Variants in ITPR2 observed in about 807,000 individuals in gnomAD.
The protein encoded by ITPR2 is inositol 1,4,5-trisphosphate receptor type 2, also known as inositol 1,4,5-trisphosphate-gated calcium channel ITPR2.
ITPR2 carries 207 observed loss-of-function variants against 317.1 expected under a neutral mutation model. The observed-to-expected ratio is 0.65, with a 90% CI of 0.58 to 0.73. ITPR2 has a LOEUF of 0.73. Ranked by LOEUF, ITPR2 falls within the 30% of genes least tolerant of loss-of-function variation. ITPR2 has a pLI of 0.00. For synonymous variants in ITPR2, 1,156 were observed against 1,149.1 expected, an observed-to-expected ratio of 1.01 and a Z score of -0.12; for missense variants, 2,613 against 3,284.0, an observed-to-expected ratio of 0.80 and a Z score of 4.99.
At chr12:26,663,546 T>C (rs1048129335) in intron 15 of ITPR2, 139 bp downstream of exon 15, 3 of 791,584 alleles carry the variant, frequency 3.8e-6, no homozygotes, top group Admixed American at 2.7e-5. Flanking sequence ...CAAATCATTT[T>C]TATGTATTGC....
intron 4 of ITPR2, 139 bp downstream of exon 4, chr12:26,724,517 C>T (rs1948887398): frequency 1.5e-6 from 1 of 661,656 alleles, no homozygotes; most frequent in South Asian, 1.6e-5. Flanking sequence ...GAATACATCA[C>T]AATACGTCAC....
In ITPR2 at chr12:26,599,178, A is replaced by G. The variant is rs766524654; in HGVS notation, c.3969T>C (p.Tyr1323=). 5.0e-6 allele frequency: 8 copies of G among 1,614,134 alleles called. No individual in the cohort carries two copies. Among genetic ancestry groups the G allele is most frequent in the South Asian group, 4.4e-5 (4 of 91,086 alleles). Reference sequence around the variant, plus strand: ...TTACCATATCCTGGCATTTCTTCACATATTTACCATCTGCTTTTACAATTG... The same window carrying G: ...TTACCATATCCTGGCATTTCTTCACGTATTTACCATCTGCTTTTACAATTG... The part of the protein sequence containing the change: ...LQTIVKADGK[Y]VKKCQDMVMT... Residue 1323 remains tyrosine, a synonymous_variant, in exon 30 of 57, where the codon TAT becomes TAC. Coordinates refer to ENST00000381340, the MANE Select transcript of ITPR2 (RefSeq NM_002223.4).
intron 9 of ITPR2, among the ~76,000 whole-genome samples, chr12:26,710,655 A>G (rs1051151587): frequency 6.6e-6 from 1 of 152,230 alleles, no homozygotes; most frequent in African/African-American, 2.4e-5. Context: ...CTGTCTGTCA[A>G]CATACTTTTA....
At chr12:26,562,496 A>C (rs1460283938) in intron 34 of ITPR2, among the ~76,000 whole-genome samples, 1 of 152,234 alleles carries the variant, frequency 6.6e-6, no homozygotes, top group East Asian at 1.9e-4. Context: ...TTACATCACA[A>C]CAATACTGAA....
rs1947410241 is a variant in ITPR2, at chr12:26,657,888, C to G, written c.2011G>C (p.Val671Leu). 4 of 1,612,916 alleles carry G rather than the reference C, an allele frequency of 2.5e-6. No individual in the cohort carries two copies. Among genetic ancestry groups the G allele is most frequent in the Non-Finnish European group, 3.4e-6 (4 of 1,179,378 alleles). The change falls in exon 18 of 57, where the codon GTC becomes CTC. Residue 671 changes from valine (V) to leucine (L), a missense_variant. Transcript: ENST00000381340. ...NADILIQTKVVSMQADNPMES... is the reference protein window; with the variant it reads ...NADILIQTKVLSMQADNPMES... ...ATGGGGTTGTCTGCTTGCATTGAGA[C>G]CACCCTTCAAATAAATAGCACATAC...
chr12:26,480,737 G>A (rs1301623319), intron 43 of ITPR2, among the ~76,000 whole-genome samples: 2 of 152,138 alleles, frequency 1.3e-5, no homozygotes, highest in African/African-American at 4.8e-5. Flanking sequence ...CTACTCAGGA[G>A]GCTGAGGCAG....
intron 37 of ITPR2, among the ~76,000 whole-genome samples, chr12:26,504,922 C>T (rs1205889914): frequency 6.6e-6 from 1 of 152,058 alleles, no homozygotes; most frequent in Non-Finnish European, 1.5e-5. Context: ...TAACACACAA[C>T]TACTTTCATG....
At position 26,339,361 on chromosome 12, in the gene ITPR2, C is replaced by T; in HGVS notation, c.*36G>A. 1 of 1,543,692 alleles carries T rather than the reference C, an allele frequency of 6.5e-7. No individual in the cohort carries two copies. ...CTTTATTCAGTGATCAGGCAGGACA[C>T]TGATGAAAGGCTAGTCACGGCTTCC... On this transcript the variant is annotated 3_prime_UTR_variant, in exon 57 of 57. Coordinates refer to ENST00000381340, the MANE Select transcript of ITPR2 (RefSeq NM_002223.4).
chr12:26,593,846 T>C (rs1427405681), intron 32 of ITPR2, among the ~76,000 whole-genome samples: 3 of 152,210 alleles, frequency 2.0e-5, no homozygotes, highest in East Asian at 1.9e-4. Context: ...ATGGAAGTTA[T>C]CATTGGCTTT....
At chr12:26,360,476 TG>T (rs1370961977) in intron 55 of ITPR2, among the ~76,000 whole-genome samples, 2 of 152,230 alleles carry the variant, frequency 1.3e-5, no homozygotes, top group East Asian at 3.9e-4. Context: ...TTTTTGGCTT[TG>T]CCATACTTTG....
chr12:26,730,514 G>A (rs978425390), intron 2 of ITPR2, among the ~76,000 whole-genome samples: 1 of 152,134 alleles, frequency 6.6e-6, no homozygotes, highest in African/African-American at 2.4e-5. Flanking sequence ...CTCATAGAGC[G>A]AGCATCAACA....
At chr12:26,614,068 G>A (rs1004507515) in intron 26 of ITPR2, among the ~76,000 whole-genome samples, 1 of 151,862 alleles carries the variant, frequency 6.6e-6, no homozygotes, top group African/African-American at 2.4e-5. Context: ...GGCAAGAATG[G>A]CCAACTTAAA....
intron 2 of ITPR2, among the ~76,000 whole-genome samples, chr12:26,787,930 T>A (rs1280698586): frequency 6.6e-6 from 1 of 151,186 alleles, no homozygotes; most frequent in Non-Finnish European, 1.5e-5. Flanking sequence ...TCCTTTTTTT[T>A]TTTTTTTTTT....
At chr12:26,541,733 T>C (rs987438203) in intron 37 of ITPR2, among the ~76,000 whole-genome samples, 1 of 152,236 alleles carries the variant, frequency 6.6e-6, no homozygotes, top group Non-Finnish European at 1.5e-5. Flanking sequence ...GACACATGCA[T>C]ATTTGATGTA....
At chr12:26,424,232 C>T (rs899453793) in intron 49 of ITPR2, among the ~76,000 whole-genome samples, 2 of 152,140 alleles carry the variant, frequency 1.3e-5, no homozygotes, top group East Asian at 1.9e-4. Context: ...ACTATCCTAG[C>T]GAAGACAGAT....
intron 48 of ITPR2, among the ~76,000 whole-genome samples, chr12:26,433,657 C>T (rs1376305770): frequency 6.6e-6 from 1 of 152,020 alleles, no homozygotes; most frequent in Non-Finnish European, 1.5e-5. Flanking sequence ...TAAACTTGTC[C>T]TTGTCCTCAG....
intron 2 of ITPR2, among the ~76,000 whole-genome samples, chr12:26,777,859 C>T (rs7296018): frequency 0.016 from 2,452 of 152,250 alleles, 67 homozygotes; most frequent in African/African-American, 0.056. Flanking sequence ...CCAAGGAGAC[C>T]TTTGGCCTTT....
At chr12:26,562,414 C>T (rs1352066162) in intron 34 of ITPR2, among the ~76,000 whole-genome samples, 4 of 152,086 alleles carry the variant, frequency 2.6e-5, no homozygotes, top group East Asian at 1.9e-4. Flanking sequence ...AAAACATCTG[C>T]ATTGGAAGAG....
At chr12:26,540,975 T>G (rs2136981865) in intron 37 of ITPR2, among the ~76,000 whole-genome samples, 1 of 152,064 alleles carries the variant, frequency 6.6e-6, no homozygotes, top group East Asian at 1.9e-4. Flanking sequence ...TCAACTCATT[T>G]TCATATTTCC....
Sources: gnomAD v4.1 joint callset for allele counts (sites outside exome capture counted in the v4.1 genomes callset) on GRCh38, gnomAD v4.1.1 for gene constraint, MANE v1.5 for transcripts, NCBI Gene and HGNC (gene_info 2026-07-23, HGNC 2026-07-21) for gene names.